LGR5: variants seen among roughly 807,000 people sequenced by gnomAD.
LGR5 encodes the protein leucine-rich repeat-containing G protein-coupled receptor 5.
Under a neutral mutation model 76.7 loss-of-function variants are expected in LGR5, and 54 were observed. That is an observed-to-expected ratio of 0.70 (90% CI 0.57 to 0.88). The LOEUF is 0.88. Among genes scored for constraint, LGR5 ranks in the 40% least tolerant of loss-of-function variants. The pLI is 0.00. For synonymous variants in LGR5, 406 were observed against 421.9 expected, an observed-to-expected ratio of 0.96 and a Z score of 0.46; for missense variants, 1,078 against 1,073.3, an observed-to-expected ratio of 1.00 and a Z score of -0.06.
At chr12:71,559,389 A>C (rs1266506155) in intron 6 of LGR5, among the ~76,000 whole-genome samples, 197 bp from the exon 7 acceptor site, 1 of 152,212 alleles carries the variant, frequency 6.6e-6, no homozygotes, top group Non-Finnish European at 1.5e-5. Context: ...ATGATTAGTC[A>C]AATGACCATT....
intron 1 of LGR5, among the ~76,000 whole-genome samples, chr12:71,489,600 G>A (rs1432570286): frequency 1.3e-5 from 2 of 152,110 alleles, no homozygotes; most frequent in African/African-American, 4.8e-5. Context: ...ATGAATATGA[G>A]CTTCAGTTTT....
At chr12:71,502,398 A>T (rs897972470) in intron 1 of LGR5, among the ~76,000 whole-genome samples, 1 of 151,848 alleles carries the variant, frequency 6.6e-6, no homozygotes, top group Non-Finnish European at 1.5e-5. Context: ...GGGTCTCACC[A>T]TGTTAGCCAG....
intron 1 of LGR5, among the ~76,000 whole-genome samples, chr12:71,494,035 C>CT (rs549549389): frequency 0.023 from 3,416 of 149,668 alleles, 281 homozygotes; most frequent in African/African-American, 0.082. Flanking sequence ...GCTCTGCCTC[C>CT]CGGGTTCACG....
At chr12:71,523,888 G>A (rs1875847254) in intron 2 of LGR5, among the ~76,000 whole-genome samples, 1 of 152,020 alleles carries the variant, frequency 6.6e-6, no homozygotes, top group Non-Finnish European at 1.5e-5. Flanking sequence ...GTTAAATTAA[G>A]GTACTCTATC....
rs1875545246 is a variant in LGR5 at position 71,518,267 on chromosome 12, C to T, written c.285-6139C>T. On this transcript the variant is annotated intron_variant, in intron 2 of 17. Transcript: ENST00000266674. ...GAAAAAAAAGCTCAGCATTACTGATCATTAGAGAAATGCAAATCAAAACCA... is the reference window on the plus strand; with the variant it reads ...GAAAAAAAAGCTCAGCATTACTGATTATTAGAGAAATGCAAATCAAAACCA... Among the ~76,000 whole-genome samples the T allele has an allele frequency of 2.0e-5, 3 of 152,266 alleles. No homozygotes were observed. The South Asian group carries it at 6.2e-4, about 32-fold the overall frequency.
At chr12:71,513,069 T>G (rs1875244955) in intron 2 of LGR5, among the ~76,000 whole-genome samples, 2 of 152,162 alleles carry the variant, frequency 1.3e-5, no homozygotes, top group Admixed American at 1.3e-4. Context: ...AATGTCTGGT[T>G]CCCTGGGTCA....
rs975474920 is a variant in LGR5, at chr12:71,580,320, A to C, written c.1449A>C (p.Gly483=). ...ATGCTTACCAGTGCTGTGCATTTGG[A>C]GTGTGTGAGAATGCCTATAAGATTT... The part of the protein sequence containing the change: ...MPYAYQCCAF[G]VCENAYKISN... The change falls in exon 16 of 18, where the codon GGA becomes GGC. Residue 483 remains glycine (G), a synonymous_variant. Coordinates refer to ENST00000266674, the MANE Select transcript of LGR5 (RefSeq NM_003667.4). 2.5e-6 allele frequency: 4 copies of C among 1,613,754 alleles called. No homozygotes were observed. The African/African-American group carries it at 5.3e-5, about 22-fold the overall frequency.
At chr12:71,441,618 CT>C (rs1871774249) in intron 1 of LGR5, 3 of 152,180 alleles carry the variant, frequency 2.0e-5, no homozygotes, top group Admixed American at 1.3e-4. Context: ...AAAAAAACAT[CT>C]TTTACTTGCT....
chr12:71,501,318 CA>C (rs1259710173), intron 1 of LGR5, among the ~76,000 whole-genome samples: 1 of 152,070 alleles, frequency 6.6e-6, no homozygotes, highest in Non-Finnish European at 1.5e-5. Flanking sequence ...CAAAACAAAA[CA>C]AAAAACCCTA....
At chr12:71,489,182 A>C (rs1873958425) in intron 1 of LGR5, among the ~76,000 whole-genome samples, 1 of 152,182 alleles carries the variant, frequency 6.6e-6, no homozygotes, top group Non-Finnish European at 1.5e-5. Flanking sequence ...TCTTTCTGGG[A>C]TTACTGGTTT....
chr12:71,570,175 G>C (rs1440463823), intron 11 of LGR5, among the ~76,000 whole-genome samples: 4 of 152,016 alleles, frequency 2.6e-5, no homozygotes, highest in Non-Finnish European at 4.4e-5. Flanking sequence ...GTGGGAAGGG[G>C]AAAGCATTAA....
chr12:71,506,186 C>T (rs4486718), intron 2 of LGR5, among the ~76,000 whole-genome samples: 14,075 of 152,148 alleles, frequency 0.093, 698 homozygotes, highest in Non-Finnish European at 0.11. Context: ...TCTCCCTATA[C>T]TTCCACAATT....
intron 15 of LGR5, 130 bp downstream of exon 15, chr12:71,579,059 T>G: frequency 1.3e-6 from 1 of 763,408 alleles, no homozygotes; most frequent in Non-Finnish European, 2.0e-6. Flanking sequence ...TCAAGTCTCC[T>G]AACCCTGGAG....
intron 13 of LGR5, among the ~76,000 whole-genome samples, chr12:71,573,420 A>T (rs1225271020): frequency 2.6e-5 from 4 of 152,166 alleles, no homozygotes; most frequent in Non-Finnish European, 4.4e-5. Flanking sequence ...TAACAAGTAC[A>T]CTAAGGTTTG....
intron 5 of LGR5, among the ~76,000 whole-genome samples, chr12:71,555,165 T>C (rs1433501795): frequency 6.6e-6 from 1 of 151,644 alleles, no homozygotes; most frequent in Non-Finnish European, 1.5e-5. Flanking sequence ...ATTTATTTAT[T>C]AGAAAAAAAA....
chr12:71,506,016 A>G lies in LGR5; in HGVS notation c.284+1331A>G, dbSNP rs540970654. Among the ~76,000 whole-genome samples, 3 of 152,340 alleles carry G rather than the reference A, an allele frequency of 2.0e-5. No homozygotes were observed. In the South Asian group the frequency reaches 6.2e-4, roughly 32 times the overall value. ...TAAATAATCTGTAAATTTTTAATGA[A>G]TAAACTAATGAGAAAGCAAAATATG... On this transcript the variant is annotated intron_variant, in intron 2 of 17. Transcript: ENST00000266674.
intron 3 of LGR5, among the ~76,000 whole-genome samples, chr12:71,528,988 A>G (rs943110582): frequency 1.2e-4 from 18 of 152,340 alleles, no homozygotes; most frequent in Middle Eastern, 3.4e-3. Flanking sequence ...CCTAACACAT[A>G]GAGAATTATT....
At chr12:71,505,382 A>T (rs1874802168) in intron 2 of LGR5, among the ~76,000 whole-genome samples, 1 of 152,234 alleles carries the variant, frequency 6.6e-6, no homozygotes, top group Non-Finnish European at 1.5e-5. Context: ...TTAAAAATTC[A>T]TTTGATCCTC....
chr12:71,551,399 G>A lies in LGR5; in HGVS notation c.429-1674G>A, dbSNP rs183000841. Among the ~76,000 whole-genome samples, 35 of 152,314 alleles carry A rather than the reference G, an allele frequency of 2.3e-4. No individual in the cohort carries two copies. The East Asian group carries it at 6.4e-3, about 28-fold the overall frequency. On this transcript the variant is annotated intron_variant, in intron 4 of 17. Coordinates refer to ENST00000266674, the MANE Select transcript of LGR5 (RefSeq NM_003667.4). ...TGATCCTGGTGTGCTTCCTGCATCTGTTTAGTCTTAAATGCTTCCAAAAAC... is the reference window on the plus strand; with the variant it reads ...TGATCCTGGTGTGCTTCCTGCATCTATTTAGTCTTAAATGCTTCCAAAAAC...
Sources: allele counts gnomAD v4.1 joint callset (sites outside exome capture counted in the v4.1 genomes callset), GRCh38; gene constraint gnomAD v4.1.1; transcripts MANE v1.5; gene names NCBI Gene and HGNC (gene_info 2026-07-23, HGNC 2026-07-21).